HS6ST3: variants seen among roughly 807,000 people sequenced by gnomAD.
HS6ST3 encodes the protein heparan-sulfate 6-O-sulfotransferase 3.
HS6ST3 carries 12 observed loss-of-function variants against 36.7 expected under a neutral mutation model. The ratio of observed to expected loss-of-function variants is 0.33; its 90% CI spans 0.21 to 0.53. The LOEUF (loss-of-function observed/expected upper bound fraction) is 0.53. Ranked by LOEUF, HS6ST3 falls within the 20% of genes least tolerant of loss-of-function variation. The pLI, the probability that HS6ST3 is intolerant of heterozygous loss-of-function variation, is 0.95. For synonymous variants in HS6ST3, 240 were observed against 257.5 expected, an observed-to-expected ratio of 0.93 and a Z score of 0.65; for missense variants, 584 against 640.9, an observed-to-expected ratio of 0.91 and a Z score of 0.96.
At chr13:96,827,491 T>G (rs947284300) in intron 1 of HS6ST3, among the ~76,000 whole-genome samples, 1 of 152,210 alleles carries the variant, frequency 6.6e-6, no homozygotes, top group Non-Finnish European at 1.5e-5. Flanking sequence ...ACAAACAAAA[T>G]GTACATGAGA....
At chr13:96,723,855 T>C (rs1170561246) in intron 1 of HS6ST3, among the ~76,000 whole-genome samples, 1 of 152,260 alleles carries the variant, frequency 6.6e-6, no homozygotes, top group African/African-American at 2.4e-5. Flanking sequence ...GGTCTCATCT[T>C]AAATTCCTTT....
At position 96,464,138 on chromosome 13, in the gene HS6ST3, CAAAAAAA is replaced by C. The variant is rs67305199; in HGVS notation, c.708-368335_708-368329del. Among the ~76,000 whole-genome samples the C allele has an allele frequency of 2.1e-4, 8 of 38,780 alleles. No homozygotes were observed. In the South Asian group the frequency reaches 5.9e-3, roughly 29 times the overall value. 25.4% of individuals were successfully genotyped at this position (38,780 alleles called of 152,430 possible). The stretch of plus-strand genomic sequence containing the variant: ...TCCTCAGGAAAGGACTGTCAGGCCT[CAAAAAAA>C]AAAAAAAAAAAAAAAATCAAAGATC... On this transcript the variant is annotated intron_variant, in intron 1 of 1. Transcript: ENST00000376705.
At chr13:96,347,326 A>C (rs546267097) in intron 1 of HS6ST3, among the ~76,000 whole-genome samples, 37 of 152,330 alleles carry the variant, frequency 2.4e-4, no homozygotes, top group Admixed American at 1.3e-3. Context: ...CAACAAAAGC[A>C]CGTTATGGTT....
At chr13:96,736,809 GA>G (rs2138481350) in intron 1 of HS6ST3, among the ~76,000 whole-genome samples, 1 of 152,230 alleles carries the variant, frequency 6.6e-6, no homozygotes, top group East Asian at 1.9e-4. Flanking sequence ...TGGAAACAGT[GA>G]AAAGCACAGC....
chr13:96,756,594 CAT>C (rs1489605625), intron 1 of HS6ST3, among the ~76,000 whole-genome samples: 4 of 152,114 alleles, frequency 2.6e-5, no homozygotes, highest in African/African-American at 9.7e-5. Context: ...TCCATTTGAA[CAT>C]ACTGGATCTT....
In HS6ST3 at chr13:96,837,177, GT is replaced by G. The variant is rs1214928276; in HGVS notation, c.*3980del. On this transcript the variant is annotated 3_prime_UTR_variant, in exon 2 of 2. Coordinates refer to ENST00000376705, the MANE Select transcript of HS6ST3 (RefSeq NM_153456.4). ...AAATTAATACTGATAAAGACTATCAGTATCTGATACAAAAGGGAACCAAACG... is the reference window on the plus strand; with the variant it reads ...AAATTAATACTGATAAAGACTATCAGATCTGATACAAAAGGGAACCAAACG... The G allele has an allele frequency of 2.6e-5, 4 of 152,356 alleles. No individual in the cohort carries two copies. Among genetic ancestry groups the G allele is most frequent in the Admixed American group, 1.3e-4 (2 of 15,298 alleles). 9.4% of individuals were successfully genotyped at this position (152,356 alleles called of 1,614,324 possible). A position where few individuals can be genotyped will look rare whatever the true frequency, so the allele number is the denominator to read the frequency against.
chr13:96,235,739 G>C (rs1026070098), intron 1 of HS6ST3, among the ~76,000 whole-genome samples: 1 of 152,054 alleles, frequency 6.6e-6, no homozygotes. Context: ...ATCCCTCTTC[G>C]TTAATTGAAG....
chr13:96,433,945 C>A (rs967443198), intron 1 of HS6ST3, among the ~76,000 whole-genome samples: 6 of 152,082 alleles, frequency 3.9e-5, no homozygotes, highest in Non-Finnish European at 8.8e-5. Flanking sequence ...GAAACAAAAA[C>A]AAAAACAAAA....
intron 1 of HS6ST3, among the ~76,000 whole-genome samples, chr13:96,603,938 C>T (rs1400875895): frequency 2.0e-5 from 3 of 152,162 alleles, no homozygotes; most frequent in Non-Finnish European, 4.4e-5. Context: ...TTTAAATTAT[C>T]TACAGAATAC....
At chr13:96,354,581 A>G (rs1194200450) in intron 1 of HS6ST3, among the ~76,000 whole-genome samples, 1 of 152,150 alleles carries the variant, frequency 6.6e-6, no homozygotes, top group Non-Finnish European at 1.5e-5. Context: ...CTTCAAATTT[A>G]TGTCTGGCCC....
chr13:96,107,671 T>C (rs2053847844), intron 1 of HS6ST3, among the ~76,000 whole-genome samples: 1 of 152,228 alleles, frequency 6.6e-6, no homozygotes, highest in South Asian at 2.1e-4. Flanking sequence ...AGGGACTGGC[T>C]GAAGCCATGG....
At chr13:96,682,943 C>G (rs911419203) in intron 1 of HS6ST3, among the ~76,000 whole-genome samples, 6 of 151,962 alleles carry the variant, frequency 3.9e-5, no homozygotes, top group African/African-American at 1.2e-4. Context: ...AAATTAATTA[C>G]CTTTAGGTAT....
intron 1 of HS6ST3, among the ~76,000 whole-genome samples, chr13:96,310,514 A>G (rs1478176174): frequency 6.6e-6 from 1 of 152,214 alleles, no homozygotes; most frequent in Non-Finnish European, 1.5e-5. Context: ...ACTGAAAAGA[A>G]TGGGAGATGC....
At chr13:96,239,300 T>G (rs1003937354) in intron 1 of HS6ST3, among the ~76,000 whole-genome samples, 1 of 152,236 alleles carries the variant, frequency 6.6e-6, no homozygotes, top group African/African-American at 2.4e-5. Context: ...TGACAGATGC[T>G]TATTGATTAT....
chr13:96,345,219 A>G (rs953047584), intron 1 of HS6ST3, among the ~76,000 whole-genome samples: 1 of 152,202 alleles, frequency 6.6e-6, no homozygotes, highest in Non-Finnish European at 1.5e-5. Context: ...CCTGTTTTTC[A>G]TAAGGCTATC....
At chr13:96,521,187 C>G (rs1307735679) in intron 1 of HS6ST3, among the ~76,000 whole-genome samples, 1 of 152,104 alleles carries the variant, frequency 6.6e-6, no homozygotes, top group Admixed American at 6.5e-5. Flanking sequence ...GCCTTGCATC[C>G]CAGGGATGAA....
intron 1 of HS6ST3, among the ~76,000 whole-genome samples, chr13:96,445,119 T>C (rs2055691960): frequency 6.6e-6 from 1 of 152,158 alleles, no homozygotes; most frequent in Non-Finnish European, 1.5e-5. Flanking sequence ...TACAATAGGT[T>C]GTGGAAATTG....
chr13:96,625,540 T>G (rs1460898922), intron 1 of HS6ST3, among the ~76,000 whole-genome samples: 2 of 152,204 alleles, frequency 1.3e-5, no homozygotes, highest in Non-Finnish European at 2.9e-5. Context: ...TTAATAATTT[T>G]TCCAATTAAC....
intron 1 of HS6ST3, among the ~76,000 whole-genome samples, chr13:96,725,008 C>A (rs1291311072): frequency 6.6e-6 from 1 of 152,154 alleles, no homozygotes; most frequent in East Asian, 1.9e-4. Context: ...AGTTCCATTG[C>A]AGAGTAATTA....
Sources: gnomAD v4.1 joint callset for allele counts (sites outside exome capture counted in the v4.1 genomes callset) on GRCh38, gnomAD v4.1.1 for gene constraint, MANE v1.5 for transcripts, NCBI Gene and HGNC (gene_info 2026-07-23, HGNC 2026-07-21) for gene names.